PDZD2: variants seen among roughly 807,000 people sequenced by gnomAD.
PDZD2 encodes the protein PDZ domain containing 2.
A neutral mutation model predicts 220.7 loss-of-function variants in PDZD2; 90 were observed. The observed-to-expected ratio is 0.41, with a 90% CI of 0.34 to 0.49. The LOEUF is 0.49. PDZD2 is among the 20% of genes least tolerant of loss of function. The probability of loss-of-function intolerance (pLI) is 0.28; values close to 1 mark genes in which losing one functional copy is unlikely to be tolerated. For missense variants in PDZD2, 3,174 were observed against 3,608.5 expected, an observed-to-expected ratio of 0.88 and a Z score of 3.08; for synonymous variants, 1,375 against 1,450.5, an observed-to-expected ratio of 0.95 and a Z score of 1.18.
intron 2 of PDZD2, among the ~76,000 whole-genome samples, chr5:31,845,898 A>G (rs1439414535): frequency 6.6e-6 from 1 of 152,236 alleles, no homozygotes; most frequent in Non-Finnish European, 1.5e-5. Context: ...TGGACTTCAA[A>G]TAGAGTTTAG....
At chr5:31,874,437 T>C (rs887997032) in intron 2 of PDZD2, among the ~76,000 whole-genome samples, 5 of 152,306 alleles carry the variant, frequency 3.3e-5, no homozygotes, top group Non-Finnish European at 4.4e-5. Context: ...ATTTAACATA[T>C]GCATTTTTAG....
At chr5:31,708,483 T>C (rs755061076) in intron 1 of PDZD2, among the ~76,000 whole-genome samples, 4 of 152,254 alleles carry the variant, frequency 2.6e-5, no homozygotes, top group Non-Finnish European at 5.9e-5. Flanking sequence ...AGCTCTTTCT[T>C]TCTTTTTTCA....
chr5:31,715,340 G>T (rs914046778), intron 1 of PDZD2, among the ~76,000 whole-genome samples: 11 of 152,158 alleles, frequency 7.2e-5, no homozygotes, highest in Non-Finnish European at 1.6e-4. Context: ...AGGTTCATAG[G>T]TTTTTGGATG....
At position 31,689,353 on chromosome 5, in the gene PDZD2, A is replaced by ATATATATATATTTT; in HGVS notation, c.-361+49917_-361+49918insATATATATATTTTT. On this transcript the variant is annotated intron_variant, in intron 1 of 24. Coordinates refer to ENST00000438447, the MANE Select transcript of PDZD2 (RefSeq NM_178140.4). ...TACATATACATATATATATATATAT[A>ATATATATATATTTT]TTTTTTTTTTTTTTTTTTTTAAGTC... 1.8e-3 allele frequency among the ~76,000 whole-genome samples: 64 copies of ATATATATATATTTT among 35,108 alleles called. 3 individuals carry two copies. The highest frequency in any genetic ancestry group is 4.8e-3 in the African/African-American group (23 of 4,800). The allele number at this position is 35,108 out of a possible 152,430, so 23.0% of individuals were successfully genotyped here. A position where few individuals can be genotyped will look rare whatever the true frequency, so the allele number is the denominator to read the frequency against.
At chr5:32,069,958 C>T (rs1456846939) in intron 15 of PDZD2, among the ~76,000 whole-genome samples, 3 of 152,098 alleles carry the variant, frequency 2.0e-5, no homozygotes, top group Non-Finnish European at 4.4e-5. Context: ...GAAAGGGAAA[C>T]GATACCCAGA....
chr5:31,647,043 C>G (rs535277205), intron 1 of PDZD2, among the ~76,000 whole-genome samples: 1 of 152,266 alleles, frequency 6.6e-6, no homozygotes, highest in East Asian at 1.9e-4. Context: ...TTGGTGGCAG[C>G]TGTGGAGCTG....
intron 8 of PDZD2, among the ~76,000 whole-genome samples, chr5:32,049,811 G>T (rs1738343037): frequency 6.6e-6 from 1 of 152,146 alleles, no homozygotes. Context: ...TAAAAGCAGA[G>T]AAAAAACTGG....
rs1047350409 is a variant in PDZD2, at chr5:31,799,006, T to C, written c.-243T>C. ...TGGCAGGGACTTGTTAGACACTTCC[T>C]TCCTTCCCTCATTGAGCACTCCAGT... On this transcript the variant is annotated 5_prime_UTR_variant, in exon 2 of 25. Transcript: ENST00000438447. The C allele has an allele frequency of 1.9e-6, 1 of 517,580 alleles. No individual in the cohort carries two copies. The highest frequency in any genetic ancestry group is 1.9e-5 in the African/African-American group (1 of 53,072). 32.1% of individuals were successfully genotyped at this position (517,580 alleles called of 1,614,324 possible).
chr5:31,810,954 G>A (rs1755075401), intron 2 of PDZD2, among the ~76,000 whole-genome samples: 1 of 152,160 alleles, frequency 6.6e-6, no homozygotes, highest in Non-Finnish European at 1.5e-5. Flanking sequence ...TGTTTAAAAT[G>A]TTCTGAAGCT....
intron 2 of PDZD2, among the ~76,000 whole-genome samples, chr5:31,927,194 A>G (rs1310231571): frequency 6.6e-6 from 1 of 152,208 alleles, no homozygotes; most frequent in East Asian, 1.9e-4. Context: ...ACCGGCATAT[A>G]TACCCCTGGA....
At chr5:31,777,910 A>G (rs1237251229) in intron 1 of PDZD2, among the ~76,000 whole-genome samples, 1 of 150,954 alleles carries the variant, frequency 6.6e-6, no homozygotes, top group Non-Finnish European at 1.5e-5. Context: ...AAAGGTTTAT[A>G]AACACACCAA....
intron 2 of PDZD2, among the ~76,000 whole-genome samples, chr5:31,812,139 T>G (rs1755159538): frequency 6.6e-6 from 1 of 152,172 alleles, no homozygotes; most frequent in Non-Finnish European, 1.5e-5. Flanking sequence ...TCCACTCCTG[T>G]GAAGTCCTCA....
At chr5:32,020,075 T>A (rs1410946395) in intron 6 of PDZD2, among the ~76,000 whole-genome samples, 1 of 46,192 alleles carries the variant, frequency 2.2e-5, no homozygotes, top group Non-Finnish European at 8.6e-5. Context: ...TTAATTTAAT[T>A]TTTTTTTTTT....
At chr5:31,654,931 C>A (rs1187304270) in intron 1 of PDZD2, among the ~76,000 whole-genome samples, 2 of 152,094 alleles carry the variant, frequency 1.3e-5, no homozygotes, top group African/African-American at 4.8e-5. Flanking sequence ...GTGGGTTCTC[C>A]CCTCCCCTTG....
At chr5:31,664,569 A>G (rs1745908405) in intron 1 of PDZD2, among the ~76,000 whole-genome samples, 1 of 152,286 alleles carries the variant, frequency 6.6e-6, no homozygotes, top group Non-Finnish European at 1.5e-5. Context: ...AATGGTTCAC[A>G]GCCAAACCTG....
At chr5:32,026,317 T>G (rs969898669) in intron 6 of PDZD2, among the ~76,000 whole-genome samples, 1 of 151,852 alleles carries the variant, frequency 6.6e-6, no homozygotes, top group African/African-American at 2.4e-5. Flanking sequence ...TTGTATTTTT[T>G]GTAGAGACGG....
intron 1 of PDZD2, among the ~76,000 whole-genome samples, chr5:31,689,472 G>T (rs1249551604): frequency 1.3e-5 from 2 of 149,798 alleles, no homozygotes; most frequent in African/African-American, 2.5e-5. Context: ...GAGATTACAG[G>T]TGTGAGCCAC....
Position 31,781,500 on chromosome 5 carries a change from G to C in PDZD2, c.-360-17389G>C, listed in dbSNP as rs534362687. Among the ~76,000 whole-genome samples, 8 of 152,296 alleles carry C rather than the reference G, an allele frequency of 5.3e-5. No homozygotes were observed. In the East Asian group the frequency reaches 1.5e-3, roughly 29 times the overall value. On this transcript the variant is annotated intron_variant, in intron 1 of 24. Coordinates refer to ENST00000438447, the MANE Select transcript of PDZD2 (RefSeq NM_178140.4). ...AAGTGGTGGGTATACAGTGCACAGT[G>C]TTCTCCATAGGCCATTGTGAGCATC...
intron 1 of PDZD2, among the ~76,000 whole-genome samples, chr5:31,780,008 C>T (rs1561453998): frequency 6.6e-6 from 1 of 152,160 alleles, no homozygotes; most frequent in African/African-American, 2.4e-5. Context: ...GGTGGCTTTA[C>T]TGTACCCCTT....
Sources: allele counts gnomAD v4.1 joint callset (sites outside exome capture counted in the v4.1 genomes callset), GRCh38; gene constraint gnomAD v4.1.1; transcripts MANE v1.5; gene names NCBI Gene and HGNC (gene_info 2026-07-23, HGNC 2026-07-21).